PDE4B: variants seen among roughly 807,000 people sequenced by gnomAD.
The protein encoded by PDE4B is 3',5'-cyclic-AMP phosphodiesterase 4B.
PDE4B carries 20 observed loss-of-function variants against 82.2 expected under a neutral mutation model. That is an observed-to-expected ratio of 0.24 (90% CI 0.17 to 0.35). The LOEUF is 0.35. Ranked by LOEUF, PDE4B falls within the 10% of genes least tolerant of loss-of-function variation. The probability of loss-of-function intolerance (pLI) is 1.00; values close to 1 mark genes in which losing one functional copy is unlikely to be tolerated. For synonymous variants in PDE4B, 320 were observed against 318.9 expected (o/e 1.00, Z -0.04); for missense variants, 655 against 907.2 (o/e 0.72, Z 3.57).
chr1:65,925,419 G>C (rs1647446335), intron 3 of PDE4B, among the ~76,000 whole-genome samples: 3 of 152,108 alleles, frequency 2.0e-5, no homozygotes, highest in African/African-American at 7.2e-5. Context: ...AAGAGGGCAT[G>C]TTGATAAAAT....
In PDE4B at chr1:66,372,243, A is replaced by G. The variant is rs532316009; in HGVS notation, c.1846-70A>G. ...TTATTAATGTTCTTTCTTTGCATGGAAACCAGGAAACCTTGTTTACTTTTC... is the reference window on the plus strand; with the variant it reads ...TTATTAATGTTCTTTCTTTGCATGGGAACCAGGAAACCTTGTTTACTTTTC... On this transcript the variant is annotated intron_variant, in intron 16 of 16. Transcript: ENST00000341517. The G allele has an allele frequency of 4.8e-5, 70 of 1,463,360 alleles. No individual in the cohort carries two copies. The East Asian group carries it at 1.6e-3, about 33-fold the overall frequency. The allele number at this position is 1,463,360 out of a possible 1,614,324, so 90.6% of individuals were successfully genotyped here.
rs1011803977 is a variant in PDE4B, at chr1:66,332,227, C to A, written c.635-281C>A. The A allele has an allele frequency of 4.0e-5, 58 of 1,444,358 alleles. No homozygotes were observed. The African/African-American group carries it at 7.1e-4, about 18-fold the overall frequency. 89.5% of individuals were successfully genotyped at this position (1,444,358 alleles called of 1,614,324 possible). A position where few individuals can be genotyped will look rare whatever the true frequency, so the allele number is the denominator to read the frequency against. ...GCAGATGAGCTTATAAGAGACCGTT[C>A]CCTCCGCCTTCTTCCTCAGAGGAAG... On this transcript the variant is annotated intron_variant, in intron 7 of 16. Coordinates refer to ENST00000341517, the MANE Select transcript of PDE4B (RefSeq NM_002600.4).
chr1:66,293,870 A>G (rs775112226), intron 7 of PDE4B, among the ~76,000 whole-genome samples: 1 of 152,218 alleles, frequency 6.6e-6, no homozygotes, highest in Non-Finnish European at 1.5e-5. Context: ...AAACTGGTTG[A>G]GAACTCCAGA....
intron 3 of PDE4B, among the ~76,000 whole-genome samples, chr1:66,197,507 C>T (rs911681459): frequency 1.3e-5 from 2 of 152,078 alleles, no homozygotes; most frequent in African/African-American, 4.8e-5. Context: ...ACGGAATATT[C>T]AGGAATGTTG....
chr1:65,892,014 T>A (rs1298201725), intron 1 of PDE4B, among the ~76,000 whole-genome samples: 3 of 152,112 alleles, frequency 2.0e-5, no homozygotes, highest in Non-Finnish European at 4.4e-5. Context: ...CATGTGTTTT[T>A]AATTTAAATT....
intron 3 of PDE4B, among the ~76,000 whole-genome samples, chr1:66,153,972 A>G (rs1646453116): frequency 6.6e-6 from 1 of 152,220 alleles, no homozygotes. Context: ...GTTCAGAATT[A>G]TCCTATCTCT....
At chr1:66,192,458 C>T (rs1212586115) in intron 3 of PDE4B, among the ~76,000 whole-genome samples, 1 of 152,090 alleles carries the variant, frequency 6.6e-6, no homozygotes, top group Non-Finnish European at 1.5e-5. Flanking sequence ...CTGTACTGTC[C>T]TTACTGTTTG....
chr1:65,799,896 A>G lies in PDE4B; in HGVS notation c.-71+6648A>G, dbSNP rs568872605. Among the ~76,000 whole-genome samples the G allele has an allele frequency of 8.5e-5, 13 of 152,332 alleles. No individual in the cohort carries two copies. In the South Asian group the frequency reaches 1.5e-3, roughly 17 times the overall value. Reference sequence around the variant, plus strand: ...TACAACATATATTAAGATTCCTTAGAAAGATTCTCCATCTGTTTCTTTCTG... The same window carrying G: ...TACAACATATATTAAGATTCCTTAGGAAGATTCTCCATCTGTTTCTTTCTG... On this transcript the variant is annotated intron_variant, in intron 1 of 16. Transcript: ENST00000341517.
At chr1:66,180,690 G>A (rs1055761944) in intron 3 of PDE4B, among the ~76,000 whole-genome samples, 8 of 152,154 alleles carry the variant, frequency 5.3e-5, no homozygotes, top group Admixed American at 2.0e-4. Context: ...GATTTGGGCC[G>A]ACCACTGGCA....
At chr1:66,220,538 CA>C (rs1650895304) in intron 3 of PDE4B, among the ~76,000 whole-genome samples, 4 of 152,130 alleles carry the variant, frequency 2.6e-5, no homozygotes, top group Admixed American at 1.3e-4. Flanking sequence ...TGGATGATGA[CA>C]GTGGAGCCTT....
chr1:66,064,213 A>G (rs1655727758), intron 3 of PDE4B, among the ~76,000 whole-genome samples: 1 of 151,952 alleles, frequency 6.6e-6, no homozygotes, highest in African/African-American at 2.4e-5. Flanking sequence ...AAGTGTTGTC[A>G]ATGAAGGAAT....
At chr1:66,234,938 T>A (rs972171273) in intron 3 of PDE4B, among the ~76,000 whole-genome samples, 1 of 152,232 alleles carries the variant, frequency 6.6e-6, no homozygotes, top group African/African-American at 2.4e-5. Context: ...AGCTGCATCC[T>A]ACAAATTTTA....
chr1:66,156,939 C>T (rs1029114771), intron 3 of PDE4B, among the ~76,000 whole-genome samples: 3 of 152,164 alleles, frequency 2.0e-5, no homozygotes, highest in Admixed American at 2.0e-4. Flanking sequence ...CTCAACCAGA[C>T]CCTAGTTTTC....
intron 1 of PDE4B, among the ~76,000 whole-genome samples, chr1:65,850,145 C>G (rs1327313162): frequency 7.9e-6 from 1 of 126,812 alleles, no homozygotes. Flanking sequence ...GACAGAGTCT[C>G]TCTCTGTTGC....
At chr1:66,085,408 G>C (rs993954708) in intron 3 of PDE4B, among the ~76,000 whole-genome samples, 22 of 152,148 alleles carry the variant, frequency 1.4e-4, no homozygotes, top group African/African-American at 5.3e-4. Context: ...TGATGAAATG[G>C]CTTGGAAGAA....
rs783039 is a variant in PDE4B, at chr1:66,363,579, A to G, written c.1284+8A>G. The stretch of plus-strand genomic sequence containing the variant: ...TCTACACCAGCATTAGACGTGAGTA[A>G]TTATGACCTGTTTTGCATTCCTGCC... On this transcript the variant is annotated splice_region_variant and intron_variant, in intron 12 of 16. Coordinates refer to ENST00000341517, the MANE Select transcript of PDE4B (RefSeq NM_002600.4). 0.76 allele frequency: 1,216,924 copies of G among 1,605,002 alleles called. 465,087 individuals are homozygous for G. The highest frequency in any genetic ancestry group is 0.95 in the East Asian group (42,587 of 44,812).
At chr1:66,287,356 G>A (rs1448595621) in intron 7 of PDE4B, among the ~76,000 whole-genome samples, 4 of 152,190 alleles carry the variant, frequency 2.6e-5, no homozygotes, top group East Asian at 1.9e-4. Context: ...TGAGGGCAAA[G>A]TCTGTTTAAA....
At chr1:66,215,512 AG>A (rs1650379626) in intron 3 of PDE4B, among the ~76,000 whole-genome samples, 1 of 152,138 alleles carries the variant, frequency 6.6e-6, no homozygotes, top group African/African-American at 2.4e-5. Context: ...CAGAGGAGGG[AG>A]GAGTTGTAAG....
intron 3 of PDE4B, among the ~76,000 whole-genome samples, chr1:66,186,509 A>C (rs540062919): frequency 2.2e-4 from 33 of 151,948 alleles, no homozygotes; most frequent in African/African-American, 6.5e-4. Flanking sequence ...CTTTTATTTC[A>C]TTGAGCAGTG....
Sources: allele counts gnomAD v4.1 joint callset (sites outside exome capture counted in the v4.1 genomes callset), GRCh38; gene constraint gnomAD v4.1.1; transcripts MANE v1.5; gene names NCBI Gene and HGNC (gene_info 2026-07-23, HGNC 2026-07-21).